The following RBFOX1 variants were observed in gnomAD, a reference collection of about 807,000 sequenced individuals.
RBFOX1 encodes RNA binding fox-1 homolog 1.
Under a neutral mutation model 57.7 loss-of-function variants are expected in RBFOX1, and 8 were observed. That is an observed-to-expected ratio of 0.14 (90% CI 0.08 to 0.25). The LOEUF (loss-of-function observed/expected upper bound fraction) is 0.25. RBFOX1 is among the 10% of genes least tolerant of loss of function. The pLI is 1.00. For missense variants in RBFOX1, 611 were observed against 548.5 expected (o/e 1.11, Z -1.14); for synonymous variants, 326 against 222.4 (o/e 1.47, Z -4.15).
chr16:6,343,262 CTGT>C, intron 2 of RBFOX1, among the ~76,000 whole-genome samples: 2 of 123,080 alleles, frequency 1.6e-5, no homozygotes, highest in Non-Finnish European at 3.9e-5. Flanking sequence ...GTAGAAAACT[CTGT>C]CTATTAGGTA....
chr16:5,565,910 G>A (rs1438443169), intron 2 of RBFOX1, among the ~76,000 whole-genome samples: 1 of 151,984 alleles, frequency 6.6e-6, no homozygotes, highest in Non-Finnish European at 1.5e-5. Flanking sequence ...CATGTGTTGT[G>A]GGAGGGACCC....
chr16:6,312,237 AGGAGGTGTTCTAGGTCCCAG>A (rs563446515), intron 1 of RBFOX1, among the ~76,000 whole-genome samples: 1 of 152,332 alleles, frequency 6.6e-6, no homozygotes, highest in South Asian at 2.1e-4. Flanking sequence ...ACTAAAAGTC[AGGAGGTGTTCTAGGTCCCAG>A]GAAGAACCAG....
chr16:7,545,098 G>C (rs1601463286), intron 5 of RBFOX1, among the ~76,000 whole-genome samples: 1 of 151,936 alleles, frequency 6.6e-6, no homozygotes, highest in African/African-American at 2.4e-5. Context: ...ATTATCATTC[G>C]AGGCAGGAAT....
Position 5,522,853 on chromosome 16 carries a change from T to A in RBFOX1, c.258+55599T>A, listed in dbSNP as rs189457261. Among the ~76,000 whole-genome samples the A allele has an allele frequency of 9.5e-4, 145 of 152,352 alleles. 1 individual carries two copies. Among genetic ancestry groups the A allele is most frequent in the Non-Finnish European group, 1.7e-3 (116 of 68,038 alleles). ...TAATGATGTCCAGTTCTATCCCAACTGCTAAAATGACAGGATTCCATTCTT... is the reference window on the plus strand; with the variant it reads ...TAATGATGTCCAGTTCTATCCCAACAGCTAAAATGACAGGATTCCATTCTT... On this transcript the variant is annotated intron_variant, in intron 2 of 2. Transcript: ENST00000585867.
chr16:6,413,188 A>G (rs1241046788), intron 2 of RBFOX1, among the ~76,000 whole-genome samples: 2 of 152,078 alleles, frequency 1.3e-5, no homozygotes, highest in Non-Finnish European at 2.9e-5. Flanking sequence ...GTGTGGTGGC[A>G]CATGCCTGTA....
At chr16:5,846,018 C>T (rs112755854) in intron 3 of RBFOX1, among the ~76,000 whole-genome samples, 1 of 151,880 alleles carries the variant, frequency 6.6e-6, no homozygotes, top group African/African-American at 2.4e-5. Flanking sequence ...ACTAAAAATA[C>T]AAAAATTACC....
chr16:7,538,821 T>G (rs981494734), intron 5 of RBFOX1, among the ~76,000 whole-genome samples: 12 of 152,036 alleles, frequency 7.9e-5, no homozygotes, highest in Non-Finnish European at 1.8e-4. Context: ...ACTTGGTGAT[T>G]GTCTGTACAA....
chr16:7,201,740 G>T (rs532230475), intron 4 of RBFOX1, among the ~76,000 whole-genome samples: 1 of 152,236 alleles, frequency 6.6e-6, no homozygotes, highest in South Asian at 2.1e-4. Context: ...TGGGACTACA[G>T]GCAAGAGCCA....
intron 3 of RBFOX1, among the ~76,000 whole-genome samples, chr16:5,851,615 C>A (rs1317407768): frequency 1.3e-5 from 2 of 152,164 alleles, no homozygotes; most frequent in Non-Finnish European, 2.9e-5. Context: ...TTTGAGATTG[C>A]AATGGGGAGA....
intron 1 of RBFOX1, among the ~76,000 whole-genome samples, chr16:6,204,244 C>T (rs1354973595): frequency 2.6e-5 from 4 of 152,098 alleles, no homozygotes; most frequent in Non-Finnish European, 5.9e-5. Context: ...TAAACTGCTT[C>T]CATTTTACAG....
chr16:6,053,581 A>G (rs750020950), intron 1 of RBFOX1, among the ~76,000 whole-genome samples: 1 of 152,228 alleles, frequency 6.6e-6, no homozygotes, highest in African/African-American at 2.4e-5. Context: ...TCACAGTTTT[A>G]TCTAATGGGG....
At chr16:6,537,529 TGC>T (rs1194625426) in intron 2 of RBFOX1, among the ~76,000 whole-genome samples, 2 of 152,216 alleles carry the variant, frequency 1.3e-5, no homozygotes, top group African/African-American at 2.4e-5. Context: ...GTGATCGAGT[TGC>T]TGAGCTAACA....
chr16:6,563,570 G>A lies in RBFOX1; in HGVS notation c.-63-91033G>A, dbSNP rs1191779409. 4.6e-5 allele frequency among the ~76,000 whole-genome samples: 7 copies of A among 152,198 alleles called. No homozygotes were observed. In the East Asian group the frequency reaches 7.7e-4, roughly 17 times the overall value. On this transcript the variant is annotated intron_variant, in intron 2 of 15. Transcript: ENST00000550418. The stretch of plus-strand genomic sequence containing the variant: ...TAAGCCGATAAAAAGATGGCTGGGT[G>A]TGGTGGCTCACGCCTGTACTTCCAG...
chr16:7,014,639 T>C (rs2093816519), intron 3 of RBFOX1, among the ~76,000 whole-genome samples: 1 of 152,108 alleles, frequency 6.6e-6, no homozygotes, highest in African/African-American at 2.4e-5. Context: ...GAAAATATAT[T>C]TTGGATTTGA....
chr16:7,440,048 T>A (rs184985544), intron 4 of RBFOX1, among the ~76,000 whole-genome samples: 291 of 148,752 alleles, frequency 2.0e-3, no homozygotes, highest in African/African-American at 6.9e-3. Context: ...ATCTCCCGGG[T>A]TCAGGTGATC....
intron 4 of RBFOX1, among the ~76,000 whole-genome samples, chr16:7,411,071 G>C (rs562721792): frequency 1.3e-5 from 2 of 152,116 alleles, no homozygotes; most frequent in Non-Finnish European, 2.9e-5. Flanking sequence ...TCAGCGTACC[G>C]AGTAGCTGGG....
At chr16:6,962,951 T>C (rs947850418) in intron 3 of RBFOX1, among the ~76,000 whole-genome samples, 4 of 152,116 alleles carry the variant, frequency 2.6e-5, no homozygotes, top group Non-Finnish European at 4.4e-5. Flanking sequence ...GATCTTGCTT[T>C]GATCGCTCAG....
At chr16:5,854,580 A>G (rs2056978130) in intron 3 of RBFOX1, among the ~76,000 whole-genome samples, 1 of 104,898 alleles carries the variant, frequency 9.5e-6, no homozygotes, top group African/African-American at 5.0e-5. Flanking sequence ...ACAAGCACAC[A>G]TTCACACACA....
At chr16:7,645,996 TA>T (rs1312362769) in intron 11 of RBFOX1, among the ~76,000 whole-genome samples, 2 of 151,292 alleles carry the variant, frequency 1.3e-5, no homozygotes, top group Non-Finnish European at 2.9e-5. Flanking sequence ...TGGATTTTTT[TA>T]AAAAAAGAAA....
Sources: allele counts gnomAD v4.1 joint callset (sites outside exome capture counted in the v4.1 genomes callset), GRCh38; gene constraint gnomAD v4.1.1; transcripts MANE v1.5; gene names NCBI Gene and HGNC (gene_info 2026-07-23, HGNC 2026-07-21).